HIP1: variants seen among roughly 807,000 people sequenced by gnomAD.
HIP1 encodes the protein huntingtin-interacting protein 1.
A neutral mutation model predicts 147.6 loss-of-function variants in HIP1; 65 were observed. That is an observed-to-expected ratio of 0.44 (90% confidence interval 0.36 to 0.54). The LOEUF (loss-of-function observed/expected upper bound fraction) is 0.54, where lower values mean the gene tolerates loss of function less well. Ranked by LOEUF, HIP1 falls within the 20% of genes least tolerant of loss-of-function variation. The pLI is 0.00. For synonymous variants in HIP1, 479 were observed against 504.0 expected (o/e 0.95, Z 0.67); for missense variants, 1,061 against 1,299.6 (o/e 0.82, Z 2.82).
chr7:75,660,100 T>TG (rs2117209785), intron 1 of HIP1, among the ~76,000 whole-genome samples: 1 of 151,420 alleles, frequency 6.6e-6, no homozygotes, highest in East Asian at 2.0e-4. Flanking sequence ...TACTCCAGCC[T>TG]GGCAACAGAG....
intron 1 of HIP1, among the ~76,000 whole-genome samples, chr7:75,737,511 A>AT (rs1165230812): frequency 6.6e-6 from 1 of 151,744 alleles, no homozygotes; most frequent in African/African-American, 2.4e-5. Flanking sequence ...CGCCCAGCTA[A>AT]TTTTTTGTAT....
intron 1 of HIP1, among the ~76,000 whole-genome samples, chr7:75,680,274 G>A (rs1418418223): frequency 2.0e-5 from 3 of 151,976 alleles, no homozygotes; most frequent in Non-Finnish European, 4.4e-5. Context: ...AAACTCCTGA[G>A]CTCAGGCAAT....
intron 1 of HIP1, among the ~76,000 whole-genome samples, chr7:75,624,325 C>A (rs185641975): frequency 3.0e-4 from 46 of 152,306 alleles, no homozygotes; most frequent in Non-Finnish European, 4.4e-5. Flanking sequence ...TGGATTTCAT[C>A]ATCGGCTGCA....
intron 1 of HIP1, among the ~76,000 whole-genome samples, chr7:75,636,200 G>A (rs763809367): frequency 1.4e-4 from 21 of 151,628 alleles, no homozygotes; most frequent in Non-Finnish European, 1.0e-4. Context: ...AAATTAGCTG[G>A]GCATGGTAGT....
intron 7 of HIP1, among the ~76,000 whole-genome samples, chr7:75,574,862 T>C (rs1795783665): frequency 1.3e-5 from 2 of 151,766 alleles, no homozygotes; most frequent in South Asian, 4.2e-4. Flanking sequence ...TTTTCCTCTT[T>C]ACGAGACTGG....
At chr7:75,562,247 G>C (rs941113881) in intron 11 of HIP1, 77 bp from the exon 12 acceptor site, 2 of 916,842 alleles carry the variant, frequency 2.2e-6, no homozygotes, top group Non-Finnish European at 3.6e-6. Context: ...GAGTGATATG[G>C]GAGAATGCCC....
At chr7:75,549,310 A>G (rs1281105739) in intron 22 of HIP1, among the ~76,000 whole-genome samples, 1 of 151,490 alleles carries the variant, frequency 6.6e-6, no homozygotes, top group Non-Finnish European at 1.5e-5. Context: ...CAATTGTACT[A>G]GCTACACAGG....
intron 2 of HIP1, among the ~76,000 whole-genome samples, chr7:75,595,648 T>G (rs1796715992): frequency 6.6e-6 from 1 of 152,044 alleles, no homozygotes; most frequent in South Asian, 2.1e-4. Context: ...CTGGCCTTGG[T>G]GTAGGAGCGA....
Position 75,595,228 on chromosome 7 carries a change from C to CT in HIP1, c.185-2715dup, listed in dbSNP as rs1371098299. Among the ~76,000 whole-genome samples the CT allele has an allele frequency of 4.7e-5, 5 of 106,002 alleles. No homozygotes were observed. The South Asian group carries it at 1.7e-3, about 36-fold the overall frequency. 69.5% of individuals were successfully genotyped at this position (106,002 alleles called of 152,430 possible). A position where few individuals can be genotyped will look rare whatever the true frequency, so the allele number is the denominator to read the frequency against. ...TCTTTCTTTCTTTCTTTCTTTCTTTCTTTCTTTCTTTCTTTCTTTCTTTCT... is the reference window on the plus strand; with the variant it reads ...TCTTTCTTTCTTTCTTTCTTTCTTTCTTTTCTTTCTTTCTTTCTTTCTTTCT... On this transcript the variant is annotated intron_variant, in intron 2 of 30. Transcript: ENST00000336926.
intron 1 of HIP1, among the ~76,000 whole-genome samples, chr7:75,600,749 T>A (rs1193344892): frequency 6.6e-6 from 1 of 151,940 alleles, no homozygotes; most frequent in Non-Finnish European, 1.5e-5. Context: ...AACTCTAGTT[T>A]TTATTATTAT....
intron 1 of HIP1, among the ~76,000 whole-genome samples, chr7:75,738,459 T>C (rs1013144462): frequency 5.9e-5 from 9 of 151,994 alleles, no homozygotes; most frequent in African/African-American, 2.2e-4. Context: ...GCGCTTCCCT[T>C]GTTTAGGGGC....
At chr7:75,603,325 G>A (rs1309949161) in intron 1 of HIP1, among the ~76,000 whole-genome samples, 2 of 137,720 alleles carry the variant, frequency 1.5e-5, no homozygotes, top group Non-Finnish European at 3.1e-5. Context: ...TCCAGCCTGG[G>A]TGACAGAGCG....
intron 1 of HIP1, among the ~76,000 whole-genome samples, chr7:75,619,456 G>T (rs1312528033): frequency 6.7e-6 from 1 of 150,252 alleles, no homozygotes; most frequent in Non-Finnish European, 1.5e-5. Context: ...AACCCAGAAG[G>T]CAGAGGTTGC....
At chr7:75,643,992 T>C (rs1167633971) in intron 1 of HIP1, among the ~76,000 whole-genome samples, 1 of 151,662 alleles carries the variant, frequency 6.6e-6, no homozygotes, top group East Asian at 1.9e-4. Context: ...AAAGTAAGAC[T>C]CTGTCTCAAA....
chr7:75,726,045 T>C lies in HIP1; in HGVS notation c.120+12756A>G, dbSNP rs192644864. Among the ~76,000 whole-genome samples, 99 of 152,304 alleles carry C rather than the reference T, an allele frequency of 6.5e-4. 1 individual carries two copies. The East Asian group carries it at 0.017, about 26-fold the overall frequency. ...GTTTAGCTGAGACGCGGTTTTACCA[T>C]GTTGACCAGGCTGGTCTGGAACTCC... On this transcript the variant is annotated intron_variant, in intron 1 of 30. Transcript: ENST00000336926.
chr7:75,605,382 G>A (rs1263847691), intron 1 of HIP1, among the ~76,000 whole-genome samples: 1 of 152,166 alleles, frequency 6.6e-6, no homozygotes, highest in Non-Finnish European at 1.5e-5. Context: ...GAGAAGCCAG[G>A]AGGCAGGTGA....
At chr7:75,560,885 A>G (rs1795205072) in intron 13 of HIP1, among the ~76,000 whole-genome samples, 1 of 151,754 alleles carries the variant, frequency 6.6e-6, no homozygotes, top group Admixed American at 6.6e-5. Flanking sequence ...GCACACCACC[A>G]CGCCTGGCTT....
At chr7:75,604,988 G>C (rs1412052625) in intron 1 of HIP1, among the ~76,000 whole-genome samples, 5 of 152,148 alleles carry the variant, frequency 3.3e-5, no homozygotes, top group African/African-American at 1.2e-4. Context: ...GGAAAGTTCT[G>C]TGCTGTAGTG....
At chr7:75,606,244 G>A (rs145669275) in intron 1 of HIP1, among the ~76,000 whole-genome samples, 4 of 152,260 alleles carry the variant, frequency 2.6e-5, no homozygotes, top group South Asian at 2.1e-4. Context: ...GCTGTAAAAC[G>A]AGCTTCAGTA....
Sources: gnomAD v4.1 joint callset for allele counts (sites outside exome capture counted in the v4.1 genomes callset) on GRCh38, gnomAD v4.1.1 for gene constraint, MANE v1.5 for transcripts, NCBI Gene and HGNC (gene_info 2026-07-23, HGNC 2026-07-21) for gene names.